RABGAP1L: variants seen among roughly 807,000 people sequenced by gnomAD.
RABGAP1L encodes the protein rab GTPase-activating protein 1-like.
A neutral mutation model predicts 137.7 loss-of-function variants in RABGAP1L; 63 were observed. The observed-to-expected ratio is 0.46, with a 90% CI of 0.37 to 0.56. The LOEUF (loss-of-function observed/expected upper bound fraction) is 0.56. RABGAP1L is among the 20% of genes least tolerant of loss of function. The pLI, the probability that RABGAP1L is intolerant of heterozygous loss-of-function variation, is 0.00. For missense variants in RABGAP1L, 1,095 were observed against 1,244.0 expected (o/e 0.88, Z 1.80); for synonymous variants, 431 against 433.7 (o/e 0.99, Z 0.08).
Position 174,448,378 on chromosome 1 carries a change from C to T in RABGAP1L, c.1710+54233C>T, listed in dbSNP as rs201476703. The stretch of plus-strand genomic sequence containing the variant: ...AGACGATGGCATATGCTGATCTTTT[C>T]GTTGGAGTTAGCTGCTTGGTTCCTA... On this transcript the variant is annotated intron_variant, in intron 13 of 25. Transcript: ENST00000681986. This position sits in a 1 kb window ranked among gnomAD's most constrained non-coding sequence, Gnocchi z 4.2. 235 of 1,613,752 alleles carry T rather than the reference C, an allele frequency of 1.5e-4. 2 individuals carry two copies. The South Asian group carries it at 2.4e-3, about 16-fold the overall frequency.
rs1669554871 is a variant in RABGAP1L at position 174,219,053 on chromosome 1, T to C, written c.-33-72T>C. 12 of 1,144,528 alleles carry C rather than the reference T, an allele frequency of 1.0e-5. No individual in the cohort carries two copies. The South Asian group carries it at 1.8e-4, about 17-fold the overall frequency. The allele number at this position is 1,144,528 out of a possible 1,614,324, so 70.9% of individuals were successfully genotyped here. A position where few individuals can be genotyped will look rare whatever the true frequency, so the allele number is the denominator to read the frequency against. ...ACATAAACCATTTTTAAAGCTTTAT[T>C]AGTTCATGTTTTTAATTAGTTCATG... On this transcript the variant is annotated intron_variant, in intron 1 of 25. Coordinates refer to ENST00000681986, the MANE Select transcript of RABGAP1L (RefSeq NM_001366446.1).
chr1:174,277,625 A>T (rs1415422227), intron 9 of RABGAP1L, among the ~76,000 whole-genome samples: 1 of 151,958 alleles, frequency 6.6e-6, no homozygotes, highest in Non-Finnish European at 1.5e-5. Context: ...AAAATTTCTA[A>T]ATTATGTCCT....
At position 174,432,816 on chromosome 1, in the gene RABGAP1L, G is replaced by A. The variant is rs552484413; in HGVS notation, c.1710+38671G>A. 3.5e-4 allele frequency among the ~76,000 whole-genome samples: 53 copies of A among 152,258 alleles called. No individual in the cohort carries two copies. In the South Asian group the frequency reaches 9.3e-3, roughly 27 times the overall value. On this transcript the variant is annotated intron_variant, in intron 13 of 25. Coordinates refer to ENST00000681986, the MANE Select transcript of RABGAP1L (RefSeq NM_001366446.1). Reference sequence around the variant, plus strand: ...CTCTGAAAGTGCTAGTATTACAGGCGTGAGCCACTGTGCCTGGCTGATATT... The same window carrying A: ...CTCTGAAAGTGCTAGTATTACAGGCATGAGCCACTGTGCCTGGCTGATATT...
At chr1:174,172,176 TTGTGTGTGTG>T (rs34345014) in intron 1 of RABGAP1L, among the ~76,000 whole-genome samples, 27 of 123,608 alleles carry the variant, frequency 2.2e-4, no homozygotes, top group East Asian at 1.8e-3. Flanking sequence ...TAATATTCCC[TTGTGTGTGTG>T]TGTGTGTGTG....
chr1:174,651,486 C>G (rs1054405305), intron 14 of RABGAP1L, among the ~76,000 whole-genome samples: 3 of 152,116 alleles, frequency 2.0e-5, no homozygotes, highest in African/African-American at 7.2e-5. Context: ...CTTGGTAGGT[C>G]ACTCAGGACT....
chr1:174,742,554 G>C (rs1396053789), intron 17 of RABGAP1L, among the ~76,000 whole-genome samples: 1 of 152,176 alleles, frequency 6.6e-6, no homozygotes, highest in Non-Finnish European at 1.5e-5. Context: ...ATGAGCACAA[G>C]AACTCTAACA....
intron 19 of RABGAP1L, among the ~76,000 whole-genome samples, chr1:174,874,662 A>G (rs979819121): frequency 7.1e-6 from 1 of 141,826 alleles, no homozygotes; most frequent in Non-Finnish European, 1.5e-5. Flanking sequence ...TAAACAACCC[A>G]GGGAATCAAT....
intron 17 of RABGAP1L, among the ~76,000 whole-genome samples, chr1:174,708,606 T>A (rs1680236780): frequency 6.6e-6 from 1 of 152,104 alleles, no homozygotes; most frequent in Admixed American, 6.5e-5. Flanking sequence ...GACAGTGCTA[T>A]CCAGCCCAGA....
At chr1:174,684,108 T>C (rs1020184795) in intron 15 of RABGAP1L, among the ~76,000 whole-genome samples, 5 of 152,194 alleles carry the variant, frequency 3.3e-5, no homozygotes, top group African/African-American at 7.2e-5. Context: ...GCACAGATAA[T>C]GTAGGCATGA....
At chr1:174,174,865 A>G (rs776409182) in intron 1 of RABGAP1L, among the ~76,000 whole-genome samples, 14 of 152,122 alleles carry the variant, frequency 9.2e-5, no homozygotes, top group Non-Finnish European at 1.8e-4. Flanking sequence ...TACTCAGTCT[A>G]TTGATTCAAA....
chr1:174,905,206 A>G (rs1057241536), intron 19 of RABGAP1L, among the ~76,000 whole-genome samples: 3 of 152,246 alleles, frequency 2.0e-5, no homozygotes, highest in Non-Finnish European at 4.4e-5. Context: ...TAATTCTTCA[A>G]TGCAAATACT....
At chr1:174,531,056 T>TG (rs1202679819) in intron 13 of RABGAP1L, among the ~76,000 whole-genome samples, 3 of 152,122 alleles carry the variant, frequency 2.0e-5, no homozygotes, top group Admixed American at 1.3e-4. Context: ...ACCCCATGGG[T>TG]GAATCTGAAT....
chr1:174,756,089 T>TA (rs1684730738), intron 18 of RABGAP1L, among the ~76,000 whole-genome samples: 1 of 152,192 alleles, frequency 6.6e-6, no homozygotes, highest in Non-Finnish European at 1.5e-5. Flanking sequence ...TACTACAGTG[T>TA]ACTGAGGTGC....
intron 13 of RABGAP1L, among the ~76,000 whole-genome samples, chr1:174,619,262 A>G (rs945108052): frequency 9.2e-5 from 14 of 152,206 alleles, no homozygotes; most frequent in Non-Finnish European, 2.9e-5. Flanking sequence ...AAGGCAGGCA[A>G]CATTCAGATT....
intron 13 of RABGAP1L, among the ~76,000 whole-genome samples, chr1:174,446,214 C>G (rs1161857273): frequency 2.0e-5 from 3 of 152,126 alleles, no homozygotes; most frequent in Admixed American, 2.0e-4. Context: ...AGCAGCCCAG[C>G]CTAGCAGCTG....
chr1:174,377,756 A>ACTCT (rs144535757), intron 12 of RABGAP1L, among the ~76,000 whole-genome samples: 34,309 of 98,748 alleles, frequency 0.35, 8,006 homozygotes, highest in African/African-American at 0.67. Flanking sequence ...AGCAACTGCA[A>ACTCT]CTCTTTTTTT....
At position 174,448,814 on chromosome 1, in the gene RABGAP1L, A is replaced by G; in HGVS notation, c.1710+54669A>G. ...TTTCAAAATTTGCCGTCAGCACACC[A>G]AAGAGATAAATGACCGAAGAGCCCG... On this transcript the variant is annotated intron_variant, in intron 13 of 25. Coordinates refer to ENST00000681986, the MANE Select transcript of RABGAP1L (RefSeq NM_001366446.1). The surrounding 1 kb of genome is among the most constrained non-coding windows in gnomAD (Gnocchi z 4.2). 1 of 1,614,122 alleles carries G rather than the reference A, an allele frequency of 6.2e-7. No homozygotes were observed. Among genetic ancestry groups the G allele is most frequent in the African/African-American group, 1.3e-5 (1 of 75,052 alleles).
chr1:174,183,627 A>T (rs573898966), intron 1 of RABGAP1L, among the ~76,000 whole-genome samples: 1 of 152,186 alleles, frequency 6.6e-6, no homozygotes, highest in South Asian at 2.1e-4. Context: ...TCTTCACCTT[A>T]AGTCTGTAGT....
At chr1:174,750,031 G>A (rs868289806) in intron 17 of RABGAP1L, among the ~76,000 whole-genome samples, 22 of 152,012 alleles carry the variant, frequency 1.4e-4, no homozygotes, top group Middle Eastern at 3.4e-3. Flanking sequence ...CACCACGCCC[G>A]GCTAATTTTT....
Sources: gnomAD v4.1 joint callset for allele counts (sites outside exome capture counted in the v4.1 genomes callset) on GRCh38, gnomAD v4.1.1 for gene constraint, Gnocchi (gnomAD v3.1) non-coding constraint, MANE v1.5 for transcripts, NCBI Gene and HGNC (gene_info 2026-07-23, HGNC 2026-07-21) for gene names.